TGFBR2: variants seen among roughly 807,000 people sequenced by gnomAD.
The protein encoded by TGFBR2 is transforming growth factor beta receptor 2.
Under a neutral mutation model 49.0 loss-of-function variants are expected in TGFBR2, and 18 were observed. The observed-to-expected ratio is 0.37, with a 90% CI of 0.25 to 0.54. The LOEUF is 0.54. Among genes scored for constraint, TGFBR2 ranks in the 20% least tolerant of loss-of-function variants. The pLI is 0.85. For missense variants in TGFBR2, 525 were observed against 722.6 expected (o/e 0.73, Z 3.13); for synonymous variants, 282 against 275.9 (o/e 1.02, Z -0.22).
At position 30,671,849 on chromosome 3, in the gene TGFBR2, T is replaced by C. The variant is rs755404252; in HGVS notation, c.666T>C (p.Asp222=). 2.9e-5 allele frequency: 47 copies of C among 1,614,086 alleles called. 2 individuals are homozygous for C. In the South Asian group the frequency reaches 4.7e-4, roughly 16 times the overall value. The change falls in exon 4 of 7, where the codon GAT becomes GAC. Residue 222 remains aspartate (D), a synonymous_variant. Transcript: ENST00000295754. ...AGCACTGTGCCATCATCCTGGAAGA[T>C]GACCGCTCTGACATCAGCTCCACGT... ...FSEHCAIILE[D]DRSDISSTCA...
At chr3:30,632,671 T>C (rs576407898) in intron 1 of TGFBR2, among the ~76,000 whole-genome samples, 1 of 152,336 alleles carries the variant, frequency 6.6e-6, no homozygotes, top group South Asian at 2.1e-4. Flanking sequence ...TGAGAGAGCA[T>C]TGCATGGAAT....
In TGFBR2 at chr3:30,688,372, C is replaced by T; in HGVS notation, c.1397-12C>T. ...TTCTCAGTGACCCTGTGTTTGCTGG[C>T]TTTCTTCACAGAAGTAAAAGATTAT... On this transcript the variant is annotated splice_polypyrimidine_tract_variant and intron_variant, in intron 5 of 6. Transcript: ENST00000295754. 1 of 1,614,142 alleles carries T rather than the reference C, an allele frequency of 6.2e-7. No homozygotes were observed. The highest frequency in any genetic ancestry group is 8.5e-7 in the Non-Finnish European group (1 of 1,179,978).
chr3:30,627,111 C>G (rs1698345409), intron 1 of TGFBR2, among the ~76,000 whole-genome samples: 1 of 152,108 alleles, frequency 6.6e-6, no homozygotes, highest in Admixed American at 6.6e-5. Flanking sequence ...TGGGGAAGCT[C>G]CTTAGAGTGC....
At chr3:30,641,866 C>A (rs1297784668) in intron 1 of TGFBR2, among the ~76,000 whole-genome samples, 1 of 152,050 alleles carries the variant, frequency 6.6e-6, no homozygotes, top group African/African-American at 2.4e-5. Flanking sequence ...CCTTCTCTCT[C>A]TTTCTCTCTC....
intron 1 of TGFBR2, among the ~76,000 whole-genome samples, chr3:30,635,135 TG>T (rs1211016954): frequency 6.6e-6 from 1 of 152,248 alleles, no homozygotes; most frequent in African/African-American, 2.4e-5. Context: ...TTTTATTCAC[TG>T]GGTCCTATTA....
intron 1 of TGFBR2, among the ~76,000 whole-genome samples, chr3:30,621,745 G>A (rs1411107715): frequency 5.9e-5 from 9 of 152,194 alleles, no homozygotes; most frequent in Admixed American, 5.9e-4. Flanking sequence ...TTTGTGGTAA[G>A]TAGATAATCA....
rs1043714570 is a variant in TGFBR2, at chr3:30,672,104, C to T, written c.921C>T (p.Phe307=). Residue 307 remains phenylalanine, a synonymous_variant, in exon 4 of 7, where the codon TTC becomes TTT. Coordinates refer to ENST00000295754, the MANE Select transcript of TGFBR2 (RefSeq NM_003242.6). This position sits in a 1 kb window ranked among gnomAD's most constrained non-coding sequence, Gnocchi z 4.5. ...TGAAGCATGAGAACATACTCCAGTTCCTGACGGCTGAGGAGCGGAAGACGG... is the reference window on the plus strand; with the variant it reads ...TGAAGCATGAGAACATACTCCAGTTTCTGACGGCTGAGGAGCGGAAGACGG... ...INLKHENILQ[F]LTAEERKTEL... 6.2e-7 allele frequency: 1 copy of T among 1,614,104 alleles called. No individual in the cohort carries two copies. The highest frequency in any genetic ancestry group is 8.5e-7 in the Non-Finnish European group (1 of 1,180,028).
intron 3 of TGFBR2, among the ~76,000 whole-genome samples, chr3:30,668,935 A>C (rs906756978): frequency 1.3e-5 from 2 of 152,010 alleles, no homozygotes; most frequent in Admixed American, 1.3e-4. Context: ...ATAAACCTTA[A>C]AAATGGATAT....
Position 30,659,223 on chromosome 3 carries a change from G to A in TGFBR2, c.454+8763G>A, listed in dbSNP as rs145284927. ...ACCAGATTTACTTTCTGGTCTAAAT[G>A]CAGAAGAAAAAATAAGTGTGGAAAT... On this transcript the variant is annotated intron_variant, in intron 3 of 6. Transcript: ENST00000295754. 4.2e-3 allele frequency among the ~76,000 whole-genome samples: 642 copies of A among 152,278 alleles called. 6 individuals carry two copies. Among genetic ancestry groups the A allele is most frequent in the Non-Finnish European group, 3.5e-3 (241 of 68,016 alleles).
At chr3:30,636,682 T>C (rs752471778) in intron 1 of TGFBR2, among the ~76,000 whole-genome samples, 2 of 152,048 alleles carry the variant, frequency 1.3e-5, no homozygotes, top group Non-Finnish European at 2.9e-5. Flanking sequence ...CTCATGTCCT[T>C]GCATCTACTC....
chr3:30,643,177 C>T (rs1451219015), intron 1 of TGFBR2, among the ~76,000 whole-genome samples: 2 of 152,184 alleles, frequency 1.3e-5, no homozygotes, highest in African/African-American at 4.8e-5. Flanking sequence ...AAGTGTTCCT[C>T]TCTAGGCAAG....
Position 30,692,088 on chromosome 3 carries a change from A to G in TGFBR2, c.*489A>G. The G allele has an allele frequency of 4.4e-6, 1 of 224,928 alleles. No homozygotes were observed. Among genetic ancestry groups the G allele is most frequent in the Non-Finnish European group, 8.9e-6 (1 of 112,690 alleles). 13.9% of individuals were successfully genotyped at this position (224,928 alleles called of 1,614,324 possible). ...ATTAGCATTTGACAATCACACATGC[A>G]GTGGTTCTCTGACTGTAAAACAGTG... On this transcript the variant is annotated 3_prime_UTR_variant, in exon 7 of 7. Coordinates refer to ENST00000295754, the MANE Select transcript of TGFBR2 (RefSeq NM_003242.6).
At chr3:30,688,292 C>A in intron 5 of TGFBR2, 92 bp from the exon 6 acceptor site, 1 of 1,555,568 alleles carries the variant, frequency 6.4e-7, no homozygotes, top group Non-Finnish European at 8.9e-7. Flanking sequence ...CTTAGTGCTT[C>A]ATGCTCCCCA....
At chr3:30,691,126 C>T (rs1359421258) in intron 6 of TGFBR2, among the ~76,000 whole-genome samples, 1 of 152,120 alleles carries the variant, frequency 6.6e-6, no homozygotes, top group Non-Finnish European at 1.5e-5. Context: ...TAGTGTACCC[C>T]AGAAGCCCAG....
At chr3:30,612,846 A>G (rs1201818274) in intron 1 of TGFBR2, among the ~76,000 whole-genome samples, 1 of 152,200 alleles carries the variant, frequency 6.6e-6, no homozygotes, top group Non-Finnish European at 1.5e-5. Context: ...TTGAAAACTT[A>G]TAGGAGGTTA....
intron 1 of TGFBR2, among the ~76,000 whole-genome samples, chr3:30,629,885 T>A (rs1698404455): frequency 6.6e-6 from 1 of 152,174 alleles, no homozygotes; most frequent in Admixed American, 6.5e-5. Context: ...ATTTGAGCAG[T>A]AATTGGTATG....
intron 3 of TGFBR2, among the ~76,000 whole-genome samples, chr3:30,664,898 A>T (rs1551762): frequency 0.19 from 28,458 of 152,296 alleles, 2,805 homozygotes; most frequent in Admixed American, 0.23. Context: ...AACATAGCTG[A>T]ATTTGGGAGA....
chr3:30,685,460 C>T (rs1372224174), intron 5 of TGFBR2, among the ~76,000 whole-genome samples: 1 of 152,058 alleles, frequency 6.6e-6, no homozygotes, highest in Non-Finnish European at 1.5e-5. Context: ...CACTTTTGTG[C>T]AATGATTTAT....
chr3:30,631,643 T>TA (rs1204427408), intron 1 of TGFBR2, among the ~76,000 whole-genome samples: 8 of 115,582 alleles, frequency 6.9e-5, no homozygotes, highest in Admixed American at 2.5e-4. Flanking sequence ...TTTTTTTTTT[T>TA]ACTTCCTCTG....
Sources: allele counts gnomAD v4.1 joint callset (sites outside exome capture counted in the v4.1 genomes callset), GRCh38; gene constraint gnomAD v4.1.1; non-coding constraint Gnocchi (gnomAD v3.1); transcripts MANE v1.5; gene names NCBI Gene and HGNC (gene_info 2026-07-23, HGNC 2026-07-21).